The following LRMDA variants were observed in gnomAD, a reference collection of about 807,000 sequenced individuals.
LRMDA encodes leucine rich melanocyte differentiation associated, also known as leucine-rich melanocyte differentiation-associated protein.
In LRMDA, 18 loss-of-function variants were observed where a neutral mutation model predicts 29.8. The ratio of observed to expected loss-of-function variants is 0.60; its 90% CI spans 0.42 to 0.90. The LOEUF is 0.90. Ranked by LOEUF, LRMDA falls within the 40% of genes least tolerant of loss-of-function variation. The pLI is 0.00. For synonymous variants in LRMDA, 125 were observed against 109.4 expected (o/e 1.14, Z -0.89); for missense variants, 273 against 273.9 (o/e 1.00, Z 0.02).
rs545583979 is a variant in LRMDA at position 75,456,714 on chromosome 10, C to T, written c.131+18220C>T. ...TTTTTTGAAAAAGAGCTTGCTCTTT[C>T]GCCCAGGCTGAAGTGCTGTGGCACA... is the stretch of plus-strand genomic sequence containing the variant. On this transcript the variant is annotated intron_variant, in intron 2 of 6. Coordinates refer to ENST00000611255, the MANE Select transcript of LRMDA (RefSeq NM_001305581.2). 2.3e-4 allele frequency among the ~76,000 whole-genome samples: 35 copies of T among 152,300 alleles called. No homozygotes were observed. The Middle Eastern group carries it at 0.01, about 44-fold the overall frequency.
intron 5 of LRMDA, among the ~76,000 whole-genome samples, chr10:76,283,427 A>C (rs1840231138): frequency 1.3e-5 from 2 of 152,192 alleles, no homozygotes. Flanking sequence ...GAATGAGACA[A>C]GTGCTTGAGG....
At chr10:76,177,066 G>T (rs1850949976) in intron 5 of LRMDA, among the ~76,000 whole-genome samples, 1 of 152,148 alleles carries the variant, frequency 6.6e-6, no homozygotes, top group Admixed American at 6.5e-5. Context: ...ATTGCACTCT[G>T]GGAGGCCAAG....
At position 75,706,215 on chromosome 10, in the gene LRMDA, C is replaced by A. The variant is rs1842366351; in HGVS notation, c.131+267721C>A. On this transcript the variant is annotated intron_variant, in intron 2 of 6. Transcript: ENST00000611255. ...TAATTTTAAACATATTTTAAAACCC[C>A]ACTATGGACTATATAGTTTTCTCAC... Among the ~76,000 whole-genome samples, 2 of 151,718 alleles carry A rather than the reference C, an allele frequency of 1.3e-5. 1 individual carries two copies. Among genetic ancestry groups the A allele is most frequent in the South Asian group, 4.2e-4 (2 of 4,812 alleles).
chr10:75,654,051 C>T (rs534239554), intron 2 of LRMDA, among the ~76,000 whole-genome samples: 11 of 151,426 alleles, frequency 7.3e-5, no homozygotes, highest in South Asian at 2.1e-4. Flanking sequence ...CACTGCCCCT[C>T]GTGATCAGGC....
chr10:75,492,887 TATC>T (rs1845004167), intron 2 of LRMDA, among the ~76,000 whole-genome samples: 1 of 152,258 alleles, frequency 6.6e-6, no homozygotes, highest in Non-Finnish European at 1.5e-5. Flanking sequence ...GGAGTGATGA[TATC>T]ATAATCACTT....
chr10:76,081,129 G>A (rs967674924), intron 5 of LRMDA, among the ~76,000 whole-genome samples: 4 of 152,214 alleles, frequency 2.6e-5, no homozygotes, highest in Non-Finnish European at 5.9e-5. Flanking sequence ...ATCAGATTTT[G>A]TATTGGCTTC....
At chr10:76,542,907 C>T (rs895348892) in intron 6 of LRMDA, among the ~76,000 whole-genome samples, 1 of 152,130 alleles carries the variant, frequency 6.6e-6, no homozygotes, top group African/African-American at 2.4e-5. Flanking sequence ...TAGGGAAGGC[C>T]TCACTTGTAC....
rs566392814 is a variant in LRMDA, at chr10:75,716,648, G to A, written c.131+278154G>A. Among the ~76,000 whole-genome samples, 4 of 152,320 alleles carry A rather than the reference G, an allele frequency of 2.6e-5. No homozygotes were observed. In the East Asian group the frequency reaches 7.7e-4, roughly 29 times the overall value. ...GGCCTCAGCTTCCATTCTGTGCATA[G>A]GAAAGGAGACCATGGGGGTTCGATG... On this transcript the variant is annotated intron_variant, in intron 2 of 6. Coordinates refer to ENST00000611255, the MANE Select transcript of LRMDA (RefSeq NM_001305581.2).
At chr10:76,177,897 G>A (rs143688505) in intron 5 of LRMDA, among the ~76,000 whole-genome samples, 1 of 152,200 alleles carries the variant, frequency 6.6e-6, no homozygotes, top group African/African-American at 2.4e-5. Context: ...GGTCTGGTCT[G>A]TCCAGTGGTG....
At chr10:76,432,539 C>T (rs1385974984) in intron 6 of LRMDA, among the ~76,000 whole-genome samples, 1 of 152,168 alleles carries the variant, frequency 6.6e-6, no homozygotes, top group African/African-American at 2.4e-5. Flanking sequence ...GGTGACCCAT[C>T]AGGGTGGAGC....
At chr10:75,682,065 A>C (rs1352503681) in intron 2 of LRMDA, among the ~76,000 whole-genome samples, 4 of 152,030 alleles carry the variant, frequency 2.6e-5, no homozygotes, top group Non-Finnish European at 5.9e-5. Context: ...TCCTTCTTTA[A>C]TTTGAGATGG....
chr10:76,265,119 G>A (rs1211553565), intron 5 of LRMDA, among the ~76,000 whole-genome samples: 1 of 152,118 alleles, frequency 6.6e-6, no homozygotes, highest in Non-Finnish European at 1.5e-5. Context: ...CTGCACAGGG[G>A]CACTCTCTGT....
chr10:76,285,695 T>A (rs908716288), intron 5 of LRMDA, among the ~76,000 whole-genome samples: 1 of 152,132 alleles, frequency 6.6e-6, no homozygotes, highest in Non-Finnish European at 1.5e-5. Flanking sequence ...TGAAGCTCTT[T>A]ATGAGGGATG....
At chr10:76,442,991 C>G (rs1298836002) in intron 6 of LRMDA, among the ~76,000 whole-genome samples, 1 of 152,144 alleles carries the variant, frequency 6.6e-6, no homozygotes, top group Non-Finnish European at 1.5e-5. Context: ...TATACAAAAA[C>G]ATAATAGTGG....
chr10:76,351,820 A>G (rs1386735002), intron 6 of LRMDA, among the ~76,000 whole-genome samples: 1 of 152,042 alleles, frequency 6.6e-6, no homozygotes, highest in Non-Finnish European at 1.5e-5. Flanking sequence ...CAGAAACAGA[A>G]CTCACTAGGC....
intron 2 of LRMDA, among the ~76,000 whole-genome samples, chr10:75,640,066 T>C (rs1343111993): frequency 6.6e-6 from 1 of 152,176 alleles, no homozygotes; most frequent in Admixed American, 6.5e-5. Flanking sequence ...AGATGAAAGA[T>C]AGGCAGAACA....
chr10:75,878,176 G>A (rs553239324), intron 2 of LRMDA, among the ~76,000 whole-genome samples: 181 of 152,190 alleles, frequency 1.2e-3, no homozygotes, highest in Middle Eastern at 3.4e-3. Context: ...TAGACCCTCT[G>A]GCTTATCCCA....
intron 2 of LRMDA, among the ~76,000 whole-genome samples, chr10:75,544,828 A>G (rs1414584400): frequency 6.6e-6 from 1 of 152,206 alleles, no homozygotes; most frequent in Non-Finnish European, 1.5e-5. Context: ...TAAGGTATAC[A>G]ACTTGTCCTT....
intron 5 of LRMDA, among the ~76,000 whole-genome samples, chr10:76,096,201 G>C (rs1195040079): frequency 1.3e-5 from 2 of 152,082 alleles, no homozygotes; most frequent in African/African-American, 4.8e-5. Flanking sequence ...GCTAATAAAA[G>C]ATTATAAAGA....
Sources: allele counts gnomAD v4.1 joint callset (sites outside exome capture counted in the v4.1 genomes callset), GRCh38; gene constraint gnomAD v4.1.1; transcripts MANE v1.5; gene names NCBI Gene and HGNC (gene_info 2026-07-23, HGNC 2026-07-21).